The following SGCZ variants were observed in gnomAD, a reference collection of about 807,000 sequenced individuals.
SGCZ encodes zeta-sarcoglycan.
Under a neutral mutation model 41.3 loss-of-function variants are expected in SGCZ, and 40 were observed. The observed-to-expected ratio is 0.97, with a 90% CI of 0.75 to 1.26. SGCZ has a LOEUF of 1.26. SGCZ is among the 50% of genes most tolerant of loss of function. The pLI, the probability that SGCZ is intolerant of heterozygous loss-of-function variation, is 0.00. For synonymous variants in SGCZ, 206 were observed against 137.5 expected (o/e 1.50, Z -3.49); for missense variants, 552 against 369.8 (o/e 1.49, Z -4.04).
At chr8:14,338,239 G>T (rs971724165) in intron 2 of SGCZ, among the ~76,000 whole-genome samples, 2 of 152,160 alleles carry the variant, frequency 1.3e-5, no homozygotes, top group Admixed American at 1.3e-4. Flanking sequence ...AGGAGGAGCT[G>T]GGTCATGCCA....
intron 4 of SGCZ, among the ~76,000 whole-genome samples, chr8:14,180,587 G>T (rs1300516551): frequency 6.6e-6 from 1 of 152,044 alleles, no homozygotes; most frequent in Non-Finnish European, 1.5e-5. Flanking sequence ...AAACCGAATT[G>T]CCAGTACTGT....
intron 3 of SGCZ, among the ~76,000 whole-genome samples, chr8:14,263,607 A>G (rs978133986): frequency 6.6e-6 from 1 of 152,114 alleles, no homozygotes; most frequent in African/African-American, 2.4e-5. Flanking sequence ...AAAAATCAGC[A>G]AAGAAGAGGC....
chr8:15,232,788 T>C (rs571990975), intron 1 of SGCZ, among the ~76,000 whole-genome samples: 1,825 of 124,420 alleles, frequency 0.015, 76 homozygotes, highest in African/African-American at 0.048. Context: ...CATATATATG[T>C]GTGTATACAT....
chr8:14,706,157 T>C (rs982937027), intron 1 of SGCZ, among the ~76,000 whole-genome samples: 1 of 152,018 alleles, frequency 6.6e-6, no homozygotes, highest in African/African-American at 2.4e-5. Flanking sequence ...ATCTTATCTG[T>C]AAATTAGGAA....
At position 14,242,608 on chromosome 8, in the gene SGCZ, G is replaced by T. The variant is rs1798930736; in HGVS notation, c.337-4929C>A. Among the ~76,000 whole-genome samples, 6 of 152,132 alleles carry T rather than the reference G, an allele frequency of 3.9e-5. No homozygotes were observed. The South Asian group carries it at 1.2e-3, about 31-fold the overall frequency. ...AGATCAGAGCCTCCCTCTGTTGACG[G>T]CAATGTGTGCTTTTATGATTTATTC... On this transcript the variant is annotated intron_variant, in intron 3 of 7. Coordinates refer to ENST00000382080, the MANE Select transcript of SGCZ (RefSeq NM_139167.4).
chr8:14,633,477 T>C (rs1290075596), intron 1 of SGCZ, among the ~76,000 whole-genome samples: 1 of 151,918 alleles, frequency 6.6e-6, no homozygotes, highest in Non-Finnish European at 1.5e-5. Context: ...GCAAAATAAA[T>C]ACATTCTTAA....
chr8:14,336,065 C>G (rs1802495209), intron 2 of SGCZ, among the ~76,000 whole-genome samples: 1 of 152,054 alleles, frequency 6.6e-6, no homozygotes, highest in Non-Finnish European at 1.5e-5. Flanking sequence ...GCTCCCTCCT[C>G]CCACCTTCCA....
At position 15,211,876 on chromosome 8, in the gene SGCZ, G is replaced by C. The variant is rs532623583; in HGVS notation, c.39+25709C>G. 1.2e-3 allele frequency among the ~76,000 whole-genome samples: 184 copies of C among 152,108 alleles called. 1 individual carries two copies. Among genetic ancestry groups the C allele is most frequent in the African/African-American group, 4.3e-3 (179 of 41,504 alleles). On this transcript the variant is annotated intron_variant, in intron 1 of 7. Transcript: ENST00000382080. The stretch of plus-strand genomic sequence containing the variant: ...ATAACTGGAAACTCATCTTTTTCTG[G>C]AAATGTCTTTGATTAGGGTTCACTT...
In SGCZ at chr8:14,099,411, C is replaced by T. The variant is rs933447742; in HGVS notation, c.744+2965G>A. 1.1e-4 allele frequency among the ~76,000 whole-genome samples: 16 copies of T among 152,134 alleles called. 1 individual carries two copies. Among genetic ancestry groups the T allele is most frequent in the Admixed American group, 1.0e-3 (16 of 15,270 alleles). ...TATCCTTCTGTCACCTGTTGAAATC[C>T]GGCCCGGGACTCACAAAACAAAAAA... On this transcript the variant is annotated intron_variant, in intron 7 of 7. Transcript: ENST00000382080.
At chr8:14,549,372 T>C (rs1033480207) in intron 2 of SGCZ, among the ~76,000 whole-genome samples, 1 of 152,028 alleles carries the variant, frequency 6.6e-6, no homozygotes, top group Middle Eastern at 3.2e-3. Context: ...ACTTGAGTAA[T>C]GCCACTTTGT....
chr8:15,003,920 T>C (rs185576305), intron 1 of SGCZ, among the ~76,000 whole-genome samples: 2 of 152,186 alleles, frequency 1.3e-5, no homozygotes, highest in African/African-American at 2.4e-5. Flanking sequence ...GCAGTTAATA[T>C]GAAATACATC....
At chr8:14,352,681 C>G (rs1283499580) in intron 2 of SGCZ, among the ~76,000 whole-genome samples, 2 of 152,028 alleles carry the variant, frequency 1.3e-5, no homozygotes, top group African/African-American at 4.8e-5. Context: ...CTTTAAAACC[C>G]TAGAAACTTT....
At chr8:15,037,884 A>G (rs1803928755) in intron 1 of SGCZ, among the ~76,000 whole-genome samples, 1 of 152,180 alleles carries the variant, frequency 6.6e-6, no homozygotes, top group Non-Finnish European at 1.5e-5. Flanking sequence ...TAATGGCTCA[A>G]GAAACCAGAA....
intron 1 of SGCZ, among the ~76,000 whole-genome samples, chr8:15,071,706 T>C (rs901126848): frequency 1.3e-5 from 2 of 152,088 alleles, no homozygotes; most frequent in African/African-American, 4.8e-5. Flanking sequence ...AACCTCAAAG[T>C]TAAAATAAAG....
chr8:14,691,261 C>A (rs1246510544), intron 1 of SGCZ, among the ~76,000 whole-genome samples: 16 of 152,110 alleles, frequency 1.1e-4, no homozygotes, highest in Admixed American at 1.0e-3. Flanking sequence ...ATACAGACTA[C>A]GTACTCCTGT....
At chr8:15,169,594 C>A (rs2117059555) in intron 1 of SGCZ, among the ~76,000 whole-genome samples, 1 of 133,118 alleles carries the variant, frequency 7.5e-6, no homozygotes, top group South Asian at 2.3e-4. Context: ...AACAGAGTAC[C>A]CTAGACTAGG....
chr8:14,634,172 T>G (rs2117406181), intron 1 of SGCZ, among the ~76,000 whole-genome samples: 1 of 152,032 alleles, frequency 6.6e-6, no homozygotes, highest in African/African-American at 2.4e-5. Context: ...AAGATTTTAT[T>G]CTCCACTTCC....
intron 2 of SGCZ, among the ~76,000 whole-genome samples, chr8:14,368,354 GA>G (rs1157940779): frequency 6.6e-6 from 1 of 151,828 alleles, no homozygotes; most frequent in Non-Finnish European, 1.5e-5. Flanking sequence ...AGCGGTAAGA[GA>G]AAAAAATGCA....
At chr8:14,272,830 T>C (rs1800106103) in intron 3 of SGCZ, among the ~76,000 whole-genome samples, 1 of 152,172 alleles carries the variant, frequency 6.6e-6, no homozygotes, top group Non-Finnish European at 1.5e-5. Flanking sequence ...AATTTTACAT[T>C]TGAATTGTTA....
Sources: allele counts gnomAD v4.1 joint callset (sites outside exome capture counted in the v4.1 genomes callset), GRCh38; gene constraint gnomAD v4.1.1; transcripts MANE v1.5; gene names NCBI Gene and HGNC (gene_info 2026-07-23, HGNC 2026-07-21).